The following KIAA1549L variants were observed in gnomAD, a reference collection of about 807,000 sequenced individuals.
The protein encoded by KIAA1549L is UPF0606 protein KIAA1549L.
KIAA1549L carries 88 observed loss-of-function variants against 160.7 expected under a neutral mutation model. The observed-to-expected ratio is 0.55, with a 90% CI of 0.46 to 0.65. The LOEUF is 0.65. KIAA1549L is among the 30% of genes least tolerant of loss of function. The pLI is 0.00. For synonymous variants in KIAA1549L, 950 were observed against 976.7 expected (o/e 0.97, Z 0.51); for missense variants, 2,258 against 2,437.5 (o/e 0.93, Z 1.55).
chr11:33,518,666 A>G (rs1853412712), intron 1 of KIAA1549L, among the ~76,000 whole-genome samples: 1 of 152,152 alleles, frequency 6.6e-6, no homozygotes, highest in Non-Finnish European at 1.5e-5. Flanking sequence ...ACTTGCTATG[A>G]TATTATAAAG....
chr11:33,578,672 A>G (rs1172097907), intron 10 of KIAA1549L, among the ~76,000 whole-genome samples: 2 of 152,214 alleles, frequency 1.3e-5, no homozygotes, highest in Non-Finnish European at 2.9e-5. Context: ...AGGACTGCAC[A>G]GCTTGGTCTC....
At chr11:33,420,364 G>A (rs1590232362) in intron 1 of KIAA1549L, among the ~76,000 whole-genome samples, 1 of 151,500 alleles carries the variant, frequency 6.6e-6, no homozygotes, top group East Asian at 1.9e-4. Flanking sequence ...GAGTAGCTGG[G>A]ACTACAGGCA....
At chr11:33,379,467 GGGAA>G (rs1185390694) in intron 1 of KIAA1549L, among the ~76,000 whole-genome samples, 2 of 152,170 alleles carry the variant, frequency 1.3e-5, no homozygotes, top group African/African-American at 4.8e-5. Flanking sequence ...AGGTTGGTGT[GGGAA>G]GGAAGTTTCT....
chr11:33,495,123 A>T (rs1852784340), intron 1 of KIAA1549L, among the ~76,000 whole-genome samples: 1 of 151,584 alleles, frequency 6.6e-6, no homozygotes, highest in Admixed American at 6.6e-5. Context: ...GTATTTTTTT[A>T]TTTTTATTTA....
At chr11:33,406,497 C>A (rs915274933) in intron 1 of KIAA1549L, among the ~76,000 whole-genome samples, 7 of 152,366 alleles carry the variant, frequency 4.6e-5, no homozygotes, top group Admixed American at 3.9e-4. Context: ...CCTATCATCT[C>A]CTCTCTTAGG....
intron 1 of KIAA1549L, among the ~76,000 whole-genome samples, chr11:33,430,891 G>A (rs375838869): frequency 1.2e-3 from 177 of 152,358 alleles, no homozygotes; most frequent in African/African-American, 4.3e-3. Context: ...GTCCGGAATT[G>A]GTGGGTTCTT....
intron 1 of KIAA1549L, among the ~76,000 whole-genome samples, chr11:33,447,303 T>C (rs548922038): frequency 6.6e-5 from 10 of 152,286 alleles, no homozygotes; most frequent in African/African-American, 2.4e-4. Context: ...AGTAAGATGA[T>C]GATGTGAGTA....
At chr11:33,397,052 G>T (rs541466647) in intron 1 of KIAA1549L, among the ~76,000 whole-genome samples, 1 of 151,766 alleles carries the variant, frequency 6.6e-6, no homozygotes, top group Non-Finnish European at 1.5e-5. Context: ...AACGTTTTAG[G>T]TTGGGCGCGG....
intron 1 of KIAA1549L, among the ~76,000 whole-genome samples, chr11:33,428,648 G>A (rs1343833707): frequency 6.6e-6 from 1 of 152,174 alleles, no homozygotes; most frequent in Non-Finnish European, 1.5e-5. Flanking sequence ...TTTTATGGCT[G>A]CATAGTATTC....
At chr11:33,506,445 G>A (rs1853090616) in intron 1 of KIAA1549L, among the ~76,000 whole-genome samples, 1 of 152,186 alleles carries the variant, frequency 6.6e-6, no homozygotes, top group Non-Finnish European at 1.5e-5. Flanking sequence ...GCCCAGGTGG[G>A]CCAGGTGCGG....
Position 33,614,770 on chromosome 11 carries a change from G to A in KIAA1549L, c.5280-3763G>A, listed in dbSNP as rs542493083. On this transcript the variant is annotated intron_variant, in intron 15 of 20. Coordinates refer to ENST00000658780, the MANE Select transcript of KIAA1549L (RefSeq NM_012194.3). ...TGGGATTACAGGCACGCGCCACCACGCCCAGCTAATTTTTGTATTTTTAAT... is the reference window on the plus strand; with the variant it reads ...TGGGATTACAGGCACGCGCCACCACACCCAGCTAATTTTTGTATTTTTAAT... 1.2e-3 allele frequency among the ~76,000 whole-genome samples: 177 copies of A among 148,394 alleles called. 1 individual carries two copies. The highest frequency in any genetic ancestry group is 4.1e-3 in the African/African-American group (167 of 40,496).
chr11:33,397,551 AAAC>A (rs1367346515), intron 1 of KIAA1549L, among the ~76,000 whole-genome samples: 1 of 150,610 alleles, frequency 6.6e-6, no homozygotes, highest in Non-Finnish European at 1.5e-5. Context: ...TCTACTAAAA[AAAC>A]TACAAAAATT....
chr11:33,558,906 T>C (rs1163640626), intron 6 of KIAA1549L, among the ~76,000 whole-genome samples: 5 of 151,916 alleles, frequency 3.3e-5, no homozygotes, highest in Admixed American at 6.6e-5. Context: ...CAATCTCGGC[T>C]GACTGCAGCC....
At chr11:33,603,983 A>T (rs1407464065) in intron 13 of KIAA1549L, among the ~76,000 whole-genome samples, 7 of 152,136 alleles carry the variant, frequency 4.6e-5, no homozygotes, top group Non-Finnish European at 1.0e-4. Context: ...CAGGGGAAGA[A>T]TGCCATCTGG....
At chr11:33,518,297 T>G (rs1307176590) in intron 1 of KIAA1549L, among the ~76,000 whole-genome samples, 1 of 152,148 alleles carries the variant, frequency 6.6e-6, no homozygotes, top group African/African-American at 2.4e-5. Flanking sequence ...CAGCTTCTCA[T>G]GCTACAATTG....
chr11:33,667,662 G>A (rs773974898), intron 20 of KIAA1549L, among the ~76,000 whole-genome samples: 6 of 152,064 alleles, frequency 3.9e-5, no homozygotes, highest in Admixed American at 6.5e-5. Flanking sequence ...CCAAAGTGCC[G>A]GGATTACAGG....
intron 8 of KIAA1549L, among the ~76,000 whole-genome samples, chr11:33,564,752 C>T (rs1444684579): frequency 7.2e-6 from 1 of 139,328 alleles, no homozygotes; most frequent in East Asian, 1.9e-4. Context: ...CTTGAGCAAG[C>T]CACTTGGGCC....
rs545605297 is a variant in KIAA1549L at position 33,391,754 on chromosome 11, A to ATC, written c.238+14870_238+14871dup. On this transcript the variant is annotated intron_variant, in intron 1 of 20. Coordinates refer to ENST00000658780, the MANE Select transcript of KIAA1549L (RefSeq NM_012194.3). ...CAGGGAGGAAGTGTCAACAGTGTGGATCTCTCACCCTCCTTAGACATGGAA... is the reference window on the plus strand; with the variant it reads ...CAGGGAGGAAGTGTCAACAGTGTGGATCTCTCTCACCCTCCTTAGACATGGAA... Among the ~76,000 whole-genome samples, 27 of 152,252 alleles carry ATC rather than the reference A, an allele frequency of 1.8e-4. No individual in the cohort carries two copies. In the South Asian group the frequency reaches 5.6e-3, roughly 32 times the overall value.
At chr11:33,495,192 T>C (rs922532542) in intron 1 of KIAA1549L, among the ~76,000 whole-genome samples, 3 of 152,094 alleles carry the variant, frequency 2.0e-5, no homozygotes, top group East Asian at 1.9e-4. Context: ...TAGTTACATA[T>C]GTATACATGT....
Sources: allele counts gnomAD v4.1 joint callset (sites outside exome capture counted in the v4.1 genomes callset), GRCh38; gene constraint gnomAD v4.1.1; transcripts MANE v1.5; gene names NCBI Gene and HGNC (gene_info 2026-07-23, HGNC 2026-07-21).